Variants in GDF2 observed in about 807,000 individuals in gnomAD.
GDF2 encodes the protein growth/differentiation factor 2.
In GDF2, 17 loss-of-function variants were observed where a neutral mutation model predicts 16.9. That is an observed-to-expected ratio of 1.00 (90% CI 0.69 to 1.51). The LOEUF (loss-of-function observed/expected upper bound fraction) is 1.51, where lower values mean the gene tolerates loss of function less well. GDF2 is among the 40% of genes most tolerant of loss of function. GDF2 has a pLI of 0.00. For missense variants in GDF2, 523 were observed against 556.3 expected (o/e 0.94, Z 0.60); for synonymous variants, 276 against 237.6 (o/e 1.16, Z -1.49).
rs2061089279 is a variant in GDF2 at position 47,322,818 on chromosome 10, G to T, written c.150G>T (p.Glu50Asp). Residue 50 changes from glutamate (E) to aspartate (D), a missense_variant, in exon 1 of 2, where the codon GAG becomes GAT. By Grantham distance (45) the Glu-to-Asp change is conservative. Transcript: ENST00000581492. ...PLGVPGGGLP[E>D]HTFNLKMFLE... ...GGGTGCCTGGAGGTGGGCTGCCTGA[G>T]CACACCTTCAACCTGAAGATGTTTC... The T allele has an allele frequency of 6.2e-7, 1 of 1,613,992 alleles. No individual in the cohort carries two copies. The highest frequency in any genetic ancestry group is 1.3e-5 in the African/African-American group (1 of 75,036).
In GDF2 at chr10:47,325,619, C is replaced by T; in HGVS notation, c.1125C>T (p.Ile375=). The change falls in exon 2 of 2, where the codon ATC becomes ATT. Residue 375 remains isoleucine, a synonymous_variant. Transcript: ENST00000581492. The part of the protein sequence containing the change: ...ADDVTPTKHA[I]VQTLVHLKFP... ...ATGTGACGCCGACGAAACACGCTATCGTGCAGACCCTGGTGCATCTCAAGT... is the reference window on the plus strand; with the variant it reads ...ATGTGACGCCGACGAAACACGCTATTGTGCAGACCCTGGTGCATCTCAAGT... 2 of 1,614,154 alleles carry T rather than the reference C, an allele frequency of 1.2e-6. No homozygotes were observed. Among genetic ancestry groups the T allele is most frequent in the African/African-American group, 1.3e-5 (1 of 75,074 alleles).
Position 47,322,979 on chromosome 10 carries a change from C to T in GDF2, c.311C>T (p.Pro104Leu), listed in dbSNP as rs782073059. The T allele has an allele frequency of 4.9e-5, 79 of 1,606,142 alleles. No individual in the cohort carries two copies. Among genetic ancestry groups the T allele is most frequent in the Non-Finnish European group, 6.5e-5 (76 of 1,173,530 alleles). The change falls in exon 1 of 2, where the codon CCA becomes CTA. Residue 104 changes from proline to leucine, a missense_variant. Pro to Leu is a moderately conservative substitution (Grantham distance 98). Transcript: ENST00000581492. ...TACACGTCCGATAAGTCGACTACGC[C>T]AGCGTCCAACATTGTGCGGAGCTTC... is the stretch of plus-strand genomic sequence containing the variant. ...NRYTSDKSTT[P>L]ASNIVRSFSM...
Position 47,322,589 on chromosome 10 carries a change from C to G in GDF2, c.-80C>G. The G allele has an allele frequency of 9.1e-7, 1 of 1,099,062 alleles. No individual in the cohort carries two copies. Among genetic ancestry groups the G allele is most frequent in the Non-Finnish European group, 1.3e-6 (1 of 789,700 alleles). 68.1% of individuals were successfully genotyped at this position (1,099,062 alleles called of 1,614,324 possible). ...AACAGCAGGGAGATGCCGGCCCGCT[C>G]CTTCCCAGCTCCTCCCCGTGCCCGC... On this transcript the variant is annotated 5_prime_UTR_variant, in exon 1 of 2. Transcript: ENST00000581492.
At position 47,326,038 on chromosome 10, in the gene GDF2, A is replaced by C. The variant is rs1428547715; in HGVS notation, c.*254A>C. 4.9e-6 allele frequency: 2 copies of C among 408,528 alleles called. No individual in the cohort carries two copies. Among genetic ancestry groups the C allele is most frequent in the African/African-American group, 2.0e-5 (1 of 50,138 alleles). 25.3% of individuals were successfully genotyped at this position (408,528 alleles called of 1,614,324 possible). ...GTTGGGATGCAAGGAGGTGATGAAAAGGAGACAGGGGGAAAAATAATCCAT... is the reference window on the plus strand; with the variant it reads ...GTTGGGATGCAAGGAGGTGATGAAACGGAGACAGGGGGAAAAATAATCCAT... On this transcript the variant is annotated 3_prime_UTR_variant, in exon 2 of 2. Coordinates refer to ENST00000581492, the MANE Select transcript of GDF2 (RefSeq NM_016204.4).
chr10:47,324,685 C>T (rs947312449), intron 1 of GDF2, among the ~76,000 whole-genome samples, 156 bp from the exon 2 acceptor site: 6 of 152,196 alleles, frequency 3.9e-5, no homozygotes, highest in Admixed American at 1.3e-4. Context: ...TTTCAAAATA[C>T]TCTTATACTT....
At position 47,322,851 on chromosome 10, in the gene GDF2, C is replaced by A; in HGVS notation, c.183C>A (p.Asn61Lys). Residue 61 changes from asparagine (N) to lysine (K), a missense_variant, in exon 1 of 2, where the codon AAC becomes AAA. Physicochemically the swap from Asn to Lys is moderately conservative, Grantham distance 94. Coordinates refer to ENST00000581492, the MANE Select transcript of GDF2 (RefSeq NM_016204.4). ...HTFNLKMFLE[N>K]VKVDFLRSLN... The stretch of plus-strand genomic sequence containing the variant: ...TCAACCTGAAGATGTTTCTGGAGAA[C>A]GTGAAGGTGGATTTCCTGCGCAGCC... 1 of 1,614,120 alleles carries A rather than the reference C, an allele frequency of 6.2e-7. No homozygotes were observed. The highest frequency in any genetic ancestry group is 8.5e-7 in the Non-Finnish European group (1 of 1,180,006).
intron 1 of GDF2, among the ~76,000 whole-genome samples, chr10:47,323,782 T>C (rs1166085831): frequency 2.6e-5 from 4 of 152,212 alleles, no homozygotes; most frequent in African/African-American, 9.6e-5. Flanking sequence ...CCTGCACACC[T>C]AGGAAGTGTT....
Position 47,327,258 on chromosome 10 carries a change from C to T in GDF2, c.*1474C>T, listed in dbSNP as rs2061111876. 6.6e-6 allele frequency among the ~76,000 whole-genome samples: 1 copy of T among 152,174 alleles called. No homozygotes were observed. The highest frequency in any genetic ancestry group is 1.5e-5 in the Non-Finnish European group (1 of 68,022). ...GAGTGCACCTATGGCCCTCTGACCT[C>T]CAGCCAGAGCAGGGCCTAGGGGAGG... On this transcript the variant is annotated 3_prime_UTR_variant, in exon 2 of 2. Transcript: ENST00000581492.
At chr10:47,323,957 A>T (rs1157511892) in intron 1 of GDF2, among the ~76,000 whole-genome samples, 1 of 152,238 alleles carries the variant, frequency 6.6e-6, no homozygotes, top group African/African-American at 2.4e-5. Context: ...CAGAGGCAGG[A>T]CTGGCACTTC....
At position 47,326,540 on chromosome 10, in the gene GDF2, T is replaced by C. The variant is rs1174991347; in HGVS notation, c.*756T>C. Among the ~76,000 whole-genome samples, 1 of 152,176 alleles carries C rather than the reference T, an allele frequency of 6.6e-6. No homozygotes were observed. Among genetic ancestry groups the C allele is most frequent in the Non-Finnish European group, 1.5e-5 (1 of 68,032 alleles). On this transcript the variant is annotated 3_prime_UTR_variant, in exon 2 of 2. Transcript: ENST00000581492. ...TGCTCACTCAGCGGCCACATGCTTT[T>C]TAATATGACCCCTGAGGCACTGAAA...
rs1555209115 is a variant in GDF2 at position 47,325,805 on chromosome 10, G to A, written c.*21G>A. On this transcript the variant is annotated 3_prime_UTR_variant, in exon 2 of 2. Transcript: ENST00000581492. ...GGTAGTATCTGCCTGCGGGGCTGGG[G>A]AGGCAGGCCAAAGGGGCTCCACATG... 13 of 1,494,868 alleles carry A rather than the reference G, an allele frequency of 8.7e-6. No homozygotes were observed. The highest frequency in any genetic ancestry group is 1.1e-5 in the Non-Finnish European group (12 of 1,115,624). 92.6% of individuals were successfully genotyped at this position (1,494,868 alleles called of 1,614,324 possible). A position where few individuals can be genotyped will look rare whatever the true frequency, so the allele number is the denominator to read the frequency against.
In GDF2 at chr10:47,326,428, G is replaced by GAGGCC. The variant is rs2061107516; in HGVS notation, c.*654_*658dup. 6.6e-6 allele frequency among the ~76,000 whole-genome samples: 1 copy of GAGGCC among 152,242 alleles called. No homozygotes were observed. The highest frequency in any genetic ancestry group is 6.5e-5 in the Admixed American group (1 of 15,288). The stretch of plus-strand genomic sequence containing the variant: ...GAGACATTGGGAGCCCAGGAGTGTT[G>GAGGCC]AGGCCAGGCCAGGCTGAGGCCCATC... On this transcript the variant is annotated 3_prime_UTR_variant, in exon 2 of 2. Transcript: ENST00000581492.
Position 47,324,823 on chromosome 10 carries a change from C to T in GDF2, c.347-18C>T, listed in dbSNP as rs374265767. The T allele has an allele frequency of 7.6e-5, 119 of 1,561,508 alleles. No individual in the cohort carries two copies. The highest frequency in any genetic ancestry group is 9.5e-5 in the Non-Finnish European group (108 of 1,135,450). ...CAGACCCTCCAGCAGATGCCCACCA[C>T]GTGTGTTTGCATTTCAGATGCCATC... On this transcript the variant is annotated intron_variant, in intron 1 of 1. Transcript: ENST00000581492.
At chr10:47,324,510 T>C (rs1207388324) in intron 1 of GDF2, among the ~76,000 whole-genome samples, 1 of 152,164 alleles carries the variant, frequency 6.6e-6, no homozygotes, top group Admixed American at 6.5e-5. Context: ...CATCTGCAAA[T>C]GTGGAATAAT....
In GDF2 at chr10:47,327,483, T is replaced by A. The variant is rs143696539; in HGVS notation, c.*1699T>A. Among the ~76,000 whole-genome samples, 2 of 152,346 alleles carry A rather than the reference T, an allele frequency of 1.3e-5. No homozygotes were observed. The highest frequency in any genetic ancestry group is 4.8e-5 in the African/African-American group (2 of 41,574). On this transcript the variant is annotated 3_prime_UTR_variant, in exon 2 of 2. Coordinates refer to ENST00000581492, the MANE Select transcript of GDF2 (RefSeq NM_016204.4). ...CTGCTACATGCCGGGCAGTGTAGTG[T>A]TACAATGCTATTCCAAGTTGGGTGT...
rs782026386 is a variant in GDF2 at position 47,325,252 on chromosome 10, T to C, written c.758T>C (p.Phe253Ser). Reference sequence around the variant, plus strand: ...CCCCCAGGTTCCAGAAACCTGCCCTTCTTTGTTGTCTTCTCCAATGACCAC... The same window carrying C: ...CCCCCAGGTTCCAGAAACCTGCCCTCCTTTGTTGTCTTCTCCAATGACCAC... ...SVPPGSRNLP[F>S]FVVFSNDHSS... is the part of the protein sequence containing the mutation. The change falls in exon 2 of 2, where the codon TTC (phenylalanine) becomes TCC (serine). Residue 253 changes from phenylalanine (F) to serine (S), a missense_variant. Phe to Ser is a radical substitution (Grantham distance 155). Coordinates refer to ENST00000581492, the MANE Select transcript of GDF2 (RefSeq NM_016204.4). 1.2e-6 allele frequency: 2 copies of C among 1,614,104 alleles called. No homozygotes were observed. The highest frequency in any genetic ancestry group is 1.7e-6 in the Non-Finnish European group (2 of 1,180,030).
At position 47,325,926 on chromosome 10, in the gene GDF2, C is replaced by T; in HGVS notation, c.*142C>T. ...GAGCCTGCTCTCCCTCCCCACACCC[C>T]ACCCAAAGCATACACCGCTGAGCTC... On this transcript the variant is annotated 3_prime_UTR_variant, in exon 2 of 2. Coordinates refer to ENST00000581492, the MANE Select transcript of GDF2 (RefSeq NM_016204.4). 1 of 613,454 alleles carries T rather than the reference C, an allele frequency of 1.6e-6. No individual in the cohort carries two copies. Among genetic ancestry groups the T allele is most frequent in the South Asian group, 2.6e-5 (1 of 37,910 alleles). 38.0% of individuals were successfully genotyped at this position (613,454 alleles called of 1,614,324 possible). A position where few individuals can be genotyped will look rare whatever the true frequency, so the allele number is the denominator to read the frequency against.
chr10:47,322,556 T>G lies in GDF2; in HGVS notation c.-113T>G. The G allele has an allele frequency of 1.3e-6, 1 of 799,168 alleles. No individual in the cohort carries two copies. The highest frequency in any genetic ancestry group is 2.7e-5 in the East Asian group (1 of 36,850). The allele number at this position is 799,168 out of a possible 1,614,324, so 49.5% of individuals were successfully genotyped here. A position where few individuals can be genotyped will look rare whatever the true frequency, so the allele number is the denominator to read the frequency against. On this transcript the variant is annotated 5_prime_UTR_variant, in exon 1 of 2. Coordinates refer to ENST00000581492, the MANE Select transcript of GDF2 (RefSeq NM_016204.4). ...GTGGGTGCTGGCCAGGACGGTTCCT[T>G]CAGAGCAAACAGCAGGGAGATGCCG...
In GDF2 at chr10:47,325,115, G is replaced by T. The variant is rs1555208911; in HGVS notation, c.621G>T (p.Val207=). 1.9e-6 allele frequency: 3 copies of T among 1,614,050 alleles called. No individual in the cohort carries two copies. The South Asian group carries it at 3.3e-5, about 18-fold the overall frequency. Residue 207 remains valine (V), a synonymous_variant, in exon 2 of 2, where the codon GTG becomes GTT. Coordinates refer to ENST00000581492, the MANE Select transcript of GDF2 (RefSeq NM_016204.4). ...IQDEGWETLE[V]SSAVKRWVRS... is the part of the protein sequence containing the mutation. ...ATGAGGGCTGGGAGACCTTGGAAGT[G>T]TCCAGCGCCGTGAAGCGCTGGGTCC...
Sources: gnomAD v4.1 joint callset for allele counts (sites outside exome capture counted in the v4.1 genomes callset) on GRCh38, gnomAD v4.1.1 for gene constraint, MANE v1.5 for transcripts, NCBI Gene and HGNC (gene_info 2026-07-23, HGNC 2026-07-21) for gene names.